The following PKNOX2 variants were observed in gnomAD, a reference collection of about 807,000 sequenced individuals.
PKNOX2 encodes PBX/knotted 1 homeobox 2, also known as homeobox protein PKNOX2.
In PKNOX2, 14 loss-of-function variants were observed where a neutral mutation model predicts 53.1. The observed-to-expected ratio is 0.26, with a 90% CI of 0.17 to 0.41. The LOEUF (loss-of-function observed/expected upper bound fraction) is 0.41, where lower values mean the gene tolerates loss of function less well. Among genes scored for constraint, PKNOX2 ranks in the 10% least tolerant of loss-of-function variants. PKNOX2 has a pLI of 1.00. For missense variants in PKNOX2, 496 were observed against 602.8 expected (o/e 0.82, Z 1.85); for synonymous variants, 257 against 242.8 (o/e 1.06, Z -0.54).
intron 1 of PKNOX2, among the ~76,000 whole-genome samples, chr11:125,231,241 G>A (rs534770657): frequency 3.9e-5 from 6 of 152,226 alleles, no homozygotes; most frequent in African/African-American, 1.4e-4. Context: ...CTCTTTACCT[G>A]GATATGTTTC....
intron 2 of PKNOX2, among the ~76,000 whole-genome samples, chr11:125,269,665 G>A (rs1405519526): frequency 2.0e-5 from 3 of 152,296 alleles, no homozygotes; most frequent in Non-Finnish European, 4.4e-5. Flanking sequence ...GAGGCTGAGA[G>A]TGAGTCTGGA....
intron 12 of PKNOX2, among the ~76,000 whole-genome samples, chr11:125,430,342 T>A (rs908980036): frequency 6.6e-6 from 1 of 152,162 alleles, no homozygotes; most frequent in African/African-American, 2.4e-5. Flanking sequence ...TGCACTCTCA[T>A]AAAGAAAAGC....
At chr11:125,327,808 C>T (rs929756774) in intron 2 of PKNOX2, among the ~76,000 whole-genome samples, 2 of 152,192 alleles carry the variant, frequency 1.3e-5, no homozygotes, top group Admixed American at 6.5e-5. Context: ...AAATGGAACT[C>T]GGCAGTTGTC....
intron 9 of PKNOX2, chr11:125,411,492 CTCTCTCTCTCTCTCT>C: frequency 8.9e-6 from 4 of 450,854 alleles, no homozygotes; most frequent in African/African-American, 4.1e-5. Context: ...CTCTCTCTCT[CTCTCTCTCTCTCTCT>C]CTCCCCCCCT....
chr11:125,201,916 C>T (rs377286476), intron 1 of PKNOX2, among the ~76,000 whole-genome samples: 8 of 152,206 alleles, frequency 5.3e-5, no homozygotes, highest in East Asian at 3.9e-4. Context: ...CTGGGGGTCA[C>T]GAGCTGCCTT....
At chr11:125,303,792 C>A (rs1303266197) in intron 2 of PKNOX2, among the ~76,000 whole-genome samples, 1 of 152,226 alleles carries the variant, frequency 6.6e-6, no homozygotes, top group African/African-American at 2.4e-5. Flanking sequence ...CTCCCCCTTA[C>A]CAATGAAGGA....
intron 2 of PKNOX2, among the ~76,000 whole-genome samples, chr11:125,235,713 GGTAAC>G (rs750932421): frequency 4.6e-5 from 7 of 152,206 alleles, no homozygotes; most frequent in Non-Finnish European, 1.0e-4. Flanking sequence ...AGCCTTCCTA[GGTAAC>G]GCCAGCTGGA....
Position 125,224,633 on chromosome 11 carries a change from C to T in PKNOX2, c.-200-10412C>T, listed in dbSNP as rs370775996. 7.2e-5 allele frequency among the ~76,000 whole-genome samples: 11 copies of T among 152,354 alleles called. No homozygotes were observed. The East Asian group carries it at 1.2e-3, about 16-fold the overall frequency. On this transcript the variant is annotated intron_variant, in intron 1 of 12. Transcript: ENST00000298282. ...CAGGAGCCAAATTAGTGGCTAAGAA[C>T]AATTGGAAACAAATGCTCTTTCAGC...
chr11:125,224,637 T>A (rs978075343), intron 1 of PKNOX2, among the ~76,000 whole-genome samples: 1 of 152,210 alleles, frequency 6.6e-6, no homozygotes, highest in African/African-American at 2.4e-5. Context: ...TAAGAACAAT[T>A]GGAAACAAAT....
At chr11:125,298,650 G>A (rs1225574440) in intron 2 of PKNOX2, among the ~76,000 whole-genome samples, 2 of 152,194 alleles carry the variant, frequency 1.3e-5, no homozygotes, top group Admixed American at 6.5e-5. Flanking sequence ...CACAGTACCA[G>A]GGACCAGACA....
chr11:125,395,953 CT>C (rs949920113), intron 6 of PKNOX2, among the ~76,000 whole-genome samples: 4,672 of 131,854 alleles, frequency 0.035, 164 homozygotes, highest in African/African-American at 0.092. Context: ...ACTGGATCAT[CT>C]TTTTTTTTTT....
chr11:125,408,289 G>A (rs1255647499), intron 7 of PKNOX2, among the ~76,000 whole-genome samples: 2 of 152,226 alleles, frequency 1.3e-5, no homozygotes, highest in Non-Finnish European at 2.9e-5. Context: ...ATTTTAGACT[G>A]CGACTGCAGG....
intron 2 of PKNOX2, among the ~76,000 whole-genome samples, chr11:125,235,890 C>A (rs1057105989): frequency 1.3e-5 from 2 of 152,198 alleles, no homozygotes; most frequent in Non-Finnish European, 2.9e-5. Flanking sequence ...ACTTCTCAGT[C>A]TGCCCACTGC....
chr11:125,356,687 C>G (rs1282203645), intron 4 of PKNOX2, among the ~76,000 whole-genome samples: 1 of 152,258 alleles, frequency 6.6e-6, no homozygotes, highest in Non-Finnish European at 1.5e-5. Context: ...ACCTGTCTCT[C>G]TGGGCACCTT....
At chr11:125,189,413 A>ATGTGTGTATATATATGTG (rs1956670237) in intron 1 of PKNOX2, among the ~76,000 whole-genome samples, 2 of 65,158 alleles carry the variant, frequency 3.1e-5, no homozygotes, top group African/African-American at 1.1e-4. Flanking sequence ...GTATATATAT[A>ATGTGTGTATATATATGTG]TGTGTGTGTG....
At chr11:125,423,043 T>A (rs1476838981) in intron 10 of PKNOX2, among the ~76,000 whole-genome samples, 1 of 150,080 alleles carries the variant, frequency 6.7e-6, no homozygotes, top group African/African-American at 2.4e-5. Context: ...TCAGTTTAGC[T>A]ACACACACAC....
At chr11:125,335,216 G>GC (rs1950372558) in intron 3 of PKNOX2, among the ~76,000 whole-genome samples, 1 of 152,234 alleles carries the variant, frequency 6.6e-6, no homozygotes, top group African/African-American at 2.4e-5. Context: ...TCCTGAACGG[G>GC]CCCCCTCTGA....
intron 3 of PKNOX2, among the ~76,000 whole-genome samples, chr11:125,339,133 G>A (rs1389212692): frequency 6.6e-6 from 1 of 152,186 alleles, no homozygotes; most frequent in Admixed American, 6.5e-5. Flanking sequence ...GGTTGAAGGG[G>A]ACGGGACCTG....
chr11:125,378,980 T>G (rs1050799509), intron 5 of PKNOX2, among the ~76,000 whole-genome samples: 1 of 152,098 alleles, frequency 6.6e-6, no homozygotes, highest in Non-Finnish European at 1.5e-5. Flanking sequence ...GTTTGTTTTT[T>G]TTTTTTAAAC....
Sources: gnomAD v4.1 joint callset for allele counts (sites outside exome capture counted in the v4.1 genomes callset) on GRCh38, gnomAD v4.1.1 for gene constraint, MANE v1.5 for transcripts, NCBI Gene and HGNC (gene_info 2026-07-23, HGNC 2026-07-21) for gene names.